Variants in SHROOM3 observed in about 807,000 individuals in gnomAD.
The protein encoded by SHROOM3 is protein Shroom3.
In SHROOM3, 47 loss-of-function variants were observed where a neutral mutation model predicts 138.6. The ratio of observed to expected loss-of-function variants is 0.34; its 90% confidence interval spans 0.27 to 0.43. The LOEUF (loss-of-function observed/expected upper bound fraction) is 0.43, where lower values mean the gene tolerates loss of function less well. Ranked by LOEUF, SHROOM3 falls within the 20% of genes least tolerant of loss-of-function variation. The pLI is 1.00. For synonymous variants in SHROOM3, 1,062 were observed against 1,063.3 expected (o/e 1.00, Z 0.02); for missense variants, 2,491 against 2,596.5 (o/e 0.96, Z 0.88).
chr4:76,597,318 A>C (rs969729360), intron 2 of SHROOM3, among the ~76,000 whole-genome samples: 2 of 152,176 alleles, frequency 1.3e-5, no homozygotes, highest in Admixed American at 6.5e-5. Context: ...GTGAGTGACT[A>C]GGAGAGTAGA....
At chr4:76,744,297 A>G (rs76141118) in intron 5 of SHROOM3, among the ~76,000 whole-genome samples, 406 of 152,348 alleles carry the variant, frequency 2.7e-3, no homozygotes, top group Non-Finnish European at 4.7e-3. Flanking sequence ...AGAGAGGGAA[A>G]TATTTCCAAA....
At chr4:76,552,001 A>G (rs1330451281) in intron 1 of SHROOM3, among the ~76,000 whole-genome samples, 6 of 146,020 alleles carry the variant, frequency 4.1e-5, no homozygotes, top group Admixed American at 6.8e-5. Flanking sequence ...AGCTGGGACT[A>G]CAGGCGCCCG....
Position 76,458,704 on chromosome 4 carries a change from T to C in SHROOM3, c.168+22484T>C, listed in dbSNP as rs1398507093. On this transcript the variant is annotated intron_variant, in intron 1 of 10. Transcript: ENST00000296043. ...ATATAAATCAAATGCCATACAATTATCCTGTCACACACATACTTTGGAAGT... is the reference window on the plus strand; with the variant it reads ...ATATAAATCAAATGCCATACAATTACCCTGTCACACACATACTTTGGAAGT... Among the ~76,000 whole-genome samples, 3 of 152,214 alleles carry C rather than the reference T, an allele frequency of 2.0e-5. No individual in the cohort carries two copies. In the East Asian group the frequency reaches 5.8e-4, roughly 29 times the overall value.
chr4:76,756,396 ACTCT>A (rs564263884), intron 7 of SHROOM3, 49 bp from the exon 8 acceptor site: 10 of 1,326,048 alleles, frequency 7.5e-6, no homozygotes, highest in South Asian at 5.4e-5. Context: ...TTCTCTTATC[ACTCT>A]CTCTTTCTCT....
intron 7 of SHROOM3, 123 bp downstream of exon 7, chr4:76,755,315 T>C: frequency 8.4e-7 from 1 of 1,183,498 alleles, no homozygotes; most frequent in Non-Finnish European, 1.2e-6. Context: ...ACAGCTCAGC[T>C]CAGGACACTG....
Position 76,457,186 on chromosome 4 carries a change from C to A in SHROOM3, c.168+20966C>A, listed in dbSNP as rs1026678303. Among the ~76,000 whole-genome samples, 5 of 152,112 alleles carry A rather than the reference C, an allele frequency of 3.3e-5. No individual in the cohort carries two copies. In the South Asian group the frequency reaches 1.0e-3, roughly 32 times the overall value. On this transcript the variant is annotated intron_variant, in intron 1 of 10. Transcript: ENST00000296043. ...GTTTCATGTCAAATTGTATTCTCCA[C>A]TGTTGGAAGTGGAGGGAGGTGGTTA...
At chr4:76,505,260 A>G (rs752891121) in intron 1 of SHROOM3, among the ~76,000 whole-genome samples, 12 of 152,218 alleles carry the variant, frequency 7.9e-5, no homozygotes, top group Non-Finnish European at 1.5e-4. Context: ...TAACAATAGT[A>G]CCCACCTTAC....
chr4:76,585,213 G>A (rs1040627053), intron 2 of SHROOM3, among the ~76,000 whole-genome samples: 5 of 152,146 alleles, frequency 3.3e-5, no homozygotes, highest in East Asian at 3.8e-4. Flanking sequence ...GGGGAGGGGG[G>A]CATGCTCCCT....
At chr4:76,723,700 C>G (rs189516200) in intron 3 of SHROOM3, among the ~76,000 whole-genome samples, 15 of 152,318 alleles carry the variant, frequency 9.8e-5, no homozygotes, top group Admixed American at 8.5e-4. Flanking sequence ...AGCTGTGCTG[C>G]TCACTACATT....
chr4:76,702,482 T>C (rs1213792299), intron 2 of SHROOM3, among the ~76,000 whole-genome samples: 2 of 152,176 alleles, frequency 1.3e-5, no homozygotes, highest in African/African-American at 4.8e-5. Context: ...CATCTACCCT[T>C]TGATGAAGGT....
In SHROOM3 at chr4:76,759,426, AT is replaced by A. The variant is rs1721923964; in HGVS notation, c.5199-116del. On this transcript the variant is annotated intron_variant, in intron 8 of 10. Transcript: ENST00000296043. ...AGTTAACAGTTACTAGTTTATCCTA[AT>A]TTCTGGGAAAGAAATTAAATAGAAT... The A allele has an allele frequency of 4.4e-6, 6 of 1,379,122 alleles. No homozygotes were observed. In the South Asian group the frequency reaches 7.3e-5, roughly 17 times the overall value. 85.4% of individuals were successfully genotyped at this position (1,379,122 alleles called of 1,614,324 possible). A position where few individuals can be genotyped will look rare whatever the true frequency, so the allele number is the denominator to read the frequency against.
intron 2 of SHROOM3, among the ~76,000 whole-genome samples, chr4:76,665,988 G>A (rs1277747178): frequency 6.6e-6 from 1 of 152,128 alleles, no homozygotes; most frequent in Non-Finnish European, 1.5e-5. Context: ...ATCTTTAAGT[G>A]CATTAGGACG....
At chr4:76,460,877 C>T (rs535092549) in intron 1 of SHROOM3, among the ~76,000 whole-genome samples, 1 of 144,592 alleles carries the variant, frequency 6.9e-6, no homozygotes, top group African/African-American at 2.5e-5. Flanking sequence ...CCCTGTAGTC[C>T]CAGTTACTTG....
intron 1 of SHROOM3, among the ~76,000 whole-genome samples, chr4:76,501,032 A>G (rs564366054): frequency 3.0e-4 from 46 of 152,194 alleles, no homozygotes; most frequent in African/African-American, 1.0e-3. Context: ...GCTCAGGCTA[A>G]TCTTGAGCTC....
At chr4:76,621,924 G>A (rs1285171814) in intron 2 of SHROOM3, among the ~76,000 whole-genome samples, 2 of 149,482 alleles carry the variant, frequency 1.3e-5, no homozygotes, top group Non-Finnish European at 3.0e-5. Context: ...TCCACATCCC[G>A]GGTTCAAGCA....
At chr4:76,670,874 G>A (rs1179379105) in intron 2 of SHROOM3, among the ~76,000 whole-genome samples, 2 of 152,106 alleles carry the variant, frequency 1.3e-5, no homozygotes, top group Non-Finnish European at 2.9e-5. Flanking sequence ...GATCACTTGA[G>A]CCTGGGAGGT....
In SHROOM3 at chr4:76,755,065, C is replaced by T. The variant is rs369252358; in HGVS notation, c.4582C>T (p.Pro1528Ser). 3.8e-6 allele frequency: 6 copies of T among 1,598,228 alleles called. No homozygotes were observed. Among genetic ancestry groups the T allele is most frequent in the Non-Finnish European group, 4.3e-6 (5 of 1,170,048 alleles). Reference sequence around the variant, plus strand: ...CAGCCCCACATTTGAACCTCTTCCCCCACCCCCACCTCCTCCACCGAGTCA... The same window carrying T: ...CAGCCCCACATTTGAACCTCTTCCCTCACCCCCACCTCCTCCACCGAGTCA... ...TSSPTFEPLP[P>S]PPPPPPSQET... The change falls in exon 7 of 11, where the codon CCA (proline) becomes TCA (serine). Residue 1528 changes from proline to serine, a missense_variant. Around this residue, in one of 4 missense-constraint regions of SHROOM3, gnomAD observed 470 missense variants for 595.0 expected, o/e 0.79. Transcript: ENST00000296043.
At chr4:76,647,970 T>A (rs1335244179) in intron 2 of SHROOM3, among the ~76,000 whole-genome samples, 2 of 152,160 alleles carry the variant, frequency 1.3e-5, no homozygotes, top group Admixed American at 6.5e-5. Context: ...GTATCTTTCT[T>A]ACATATCAGT....
chr4:76,765,542 A>G (rs6826310), intron 9 of SHROOM3, among the ~76,000 whole-genome samples: 35,575 of 151,660 alleles, frequency 0.23, 4,670 homozygotes, highest in African/African-American at 0.35. Context: ...GCTGAATTCC[A>G]CTCTATTCCT....
Sources: allele counts gnomAD v4.1 joint callset (sites outside exome capture counted in the v4.1 genomes callset), GRCh38; gene constraint gnomAD v4.1.1; regional missense constraint gnomAD v4.1.1; transcripts MANE v1.5; gene names NCBI Gene and HGNC (gene_info 2026-07-23, HGNC 2026-07-21).